The following ARL10 variants were observed in gnomAD, a reference collection of about 807,000 sequenced individuals.
The protein encoded by ARL10 is ARF like GTPase 10.
A neutral mutation model predicts 26.1 loss-of-function variants in ARL10; 23 were observed. That is an observed-to-expected ratio of 0.88 (90% CI 0.63 to 1.25). The LOEUF is 1.25. Ranked by LOEUF, ARL10 falls within the 50% of genes most tolerant of loss-of-function variation. The pLI is 0.00. For synonymous variants in ARL10, 138 were observed against 149.1 expected (o/e 0.93, Z 0.54); for missense variants, 300 against 323.6 (o/e 0.93, Z 0.56).
At chr5:176,397,805 G>A in intron 1 of ARL10, 1 of 1,499,338 alleles carries the variant, frequency 6.7e-7, no homozygotes, top group Non-Finnish European at 9.3e-7. Context: ...CTGCCAGGCA[G>A]CCACAGGGCC....
chr5:176,386,178 C>T, downstream of ARL10: 1 of 155,010 alleles, frequency 6.5e-6, no homozygotes, highest in Non-Finnish European at 1.4e-5. Flanking sequence ...GTTTTTTAAC[C>T]ACATTTTAAA....
intron 1 of ARL10, among the ~76,000 whole-genome samples, chr5:176,397,200 G>T (rs1229292578): frequency 1.3e-5 from 2 of 152,142 alleles, no homozygotes; most frequent in Admixed American, 6.5e-5. Flanking sequence ...AGACAGAAGG[G>T]TAGCTTCCCA....
rs1489275606 is a variant in ARL10 at position 176,371,933 on chromosome 5, C to T, written c.*38C>T. ...CTGCTTGCCACCTGCCTGTCAAGAC[C>T]ATAGTTGTACTGCTGCTGCTTCATT... is the stretch of plus-strand genomic sequence containing the variant. On this transcript the variant is annotated 3_prime_UTR_variant, in exon 4 of 4. Transcript: ENST00000310389. The T allele has an allele frequency of 1.3e-6, 2 of 1,598,876 alleles. No homozygotes were observed. The highest frequency in any genetic ancestry group is 1.7e-6 in the Non-Finnish European group (2 of 1,171,184).
chr5:176,396,374 G>A (rs889824914), intron 1 of ARL10: 8 of 1,060,896 alleles, frequency 7.5e-6, no homozygotes, highest in African/African-American at 4.7e-5. Context: ...CCATTGCTCC[G>A]AGCCCAGCCA....
chr5:176,365,731 G>T lies in ARL10; in HGVS notation c.168G>T (p.Glu56Asp). 1 of 1,236,014 alleles carries T rather than the reference G, an allele frequency of 8.1e-7. No individual in the cohort carries two copies. 76.6% of individuals were successfully genotyped at this position (1,236,014 alleles called of 1,614,324 possible). Residue 56 changes from glutamate to aspartate, a missense_variant, in exon 1 of 4, where the codon GAG becomes GAT. Glu to Asp is a conservative substitution (Grantham distance 45). Transcript: ENST00000310389. ...WWGAEAARLP[E>D]WDEWDPEDEE... ...GCGCGGAGGCTGCCCGCCTCCCCGA[G>T]TGGGACGAGTGGGACGTGAGTGCCG... is the stretch of plus-strand genomic sequence containing the variant.
At chr5:176,367,156 C>T (rs891338604) in intron 2 of ARL10, among the ~76,000 whole-genome samples, 17 of 151,802 alleles carry the variant, frequency 1.1e-4, no homozygotes, top group African/African-American at 3.9e-4. Flanking sequence ...TACAGGCGCC[C>T]GCCACCACGC....
At chr5:176,384,061 C>A (rs1194748281), downstream of ARL10, 1 of 1,564,366 alleles carries the variant, frequency 6.4e-7, no homozygotes, top group Non-Finnish European at 8.6e-7. Context: ...CCTCTGAGAA[C>A]AGTTCCTTCC....
At chr5:176,383,283 A>C (rs1201644405), downstream of ARL10, among the ~76,000 whole-genome samples, 1 of 152,238 alleles carries the variant, frequency 6.6e-6, no homozygotes, top group Admixed American at 6.5e-5. Context: ...GGCGATCCTG[A>C]GAAACCCTGG....
rs1472256260 is a variant in ARL10 at position 176,379,629 on chromosome 5, T to C, written c.*7734T>C. On this transcript the variant is annotated 3_prime_UTR_variant, in exon 4 of 4. Coordinates refer to ENST00000310389, the MANE Select transcript of ARL10 (RefSeq NM_173664.6). The stretch of plus-strand genomic sequence containing the variant: ...TTTTTAAATAGAGCAGTTAATGCCA[T>C]TTCTGTCTCTGCAGGTTTCACAAGT... 1.3e-5 allele frequency: 2 copies of C among 152,236 alleles called. No individual in the cohort carries two copies. Among genetic ancestry groups the C allele is most frequent in the Non-Finnish European group, 2.9e-5 (2 of 68,044 alleles). The allele number at this position is 152,236 out of a possible 1,614,324, so 9.4% of individuals were successfully genotyped here.
chr5:176,371,232 A>C (rs190223158), intron 3 of ARL10, among the ~76,000 whole-genome samples: 2 of 152,046 alleles, frequency 1.3e-5, no homozygotes, highest in Non-Finnish European at 2.9e-5. Flanking sequence ...AAAATTAGCC[A>C]GGCGTGGTGG....
chr5:176,388,802 T>A (rs1756118667), downstream of ARL10: 2 of 1,608,614 alleles, frequency 1.2e-6, no homozygotes, highest in Non-Finnish European at 1.7e-6. Flanking sequence ...GATTTTCTCC[T>A]GCTGCTGTGG....
chr5:176,366,246 A>T, intron 1 of ARL10, 134 bp from the exon 2 acceptor site: 1 of 1,058,130 alleles, frequency 9.5e-7, no homozygotes. Flanking sequence ...CGTTCGTCCC[A>T]CTCATCCAGA....
At chr5:176,388,454 T>C in exon 2 of ARL10, 1 of 1,614,184 alleles carries the variant, frequency 6.2e-7, no homozygotes, top group East Asian at 2.2e-5. Flanking sequence ...CGGCGCTGCC[T>C]TCCGTCGAGC....
chr5:176,368,266 G>A lies in ARL10; in HGVS notation c.386-541G>A, dbSNP rs1018792488. On this transcript the variant is annotated intron_variant, in intron 2 of 3. Transcript: ENST00000310389. This position sits in a 1 kb window ranked among gnomAD's most constrained non-coding sequence, Gnocchi z 4.1. ...GGATGGGGGAAACTGAATGGAGAAT[G>A]GCTGTGTATAGGCAGGGCAGGGGGT... Among the ~76,000 whole-genome samples the A allele has an allele frequency of 6.6e-6, 1 of 152,160 alleles. No homozygotes were observed. Among genetic ancestry groups the A allele is most frequent in the Non-Finnish European group, 1.5e-5 (1 of 68,018 alleles).
chr5:176,387,923 G>C (rs1213877817), intron 1 of ARL10, among the ~76,000 whole-genome samples: 1 of 152,164 alleles, frequency 6.6e-6, no homozygotes, highest in Non-Finnish European at 1.5e-5. Context: ...CAACTCTTAG[G>C]GAGTACTAAT....
At chr5:176,394,397 C>T (rs560927213) in intron 1 of ARL10, among the ~76,000 whole-genome samples, 23 of 152,350 alleles carry the variant, frequency 1.5e-4, no homozygotes, top group African/African-American at 4.3e-4. Context: ...TGAGCCTGGG[C>T]GCAGTGGCTC....
chr5:176,388,795 T>A, downstream of ARL10: 1 of 1,605,978 alleles, frequency 6.2e-7, no homozygotes, highest in Non-Finnish European at 8.5e-7. Context: ...GAGTCCCGAT[T>A]TTCTCCTGCT....
At chr5:176,411,987 T>C in the ARL10 span, among the ~76,000 whole-genome samples, 3 of 151,980 alleles carry the variant, frequency 2.0e-5, no homozygotes, top group Middle Eastern at 3.4e-3. Flanking sequence ...CCATCCTGGC[T>C]AACACGGTGA....
rs1164249000 is a variant in ARL10, at chr5:176,368,772, G to A, written c.386-35G>A. 1.9e-6 allele frequency: 3 copies of A among 1,574,260 alleles called. No homozygotes were observed. The highest frequency in any genetic ancestry group is 1.3e-5 in the African/African-American group (1 of 74,100). On this transcript the variant is annotated intron_variant, in intron 2 of 3. Transcript: ENST00000310389. The surrounding 1 kb of genome is among the most constrained non-coding windows in gnomAD (Gnocchi z 4.1). ...GGCTGTGGGCAGTGAGCGGGGGCCC[G>A]GGAGGCTCTGAGCTGGCCCCTGGCC...
Sources: gnomAD v4.1 joint callset for allele counts (sites outside exome capture counted in the v4.1 genomes callset) on GRCh38, gnomAD v4.1.1 for gene constraint, Gnocchi (gnomAD v3.1) non-coding constraint, MANE v1.5 for transcripts, NCBI Gene and HGNC (gene_info 2026-07-23, HGNC 2026-07-21) for gene names.